The following IGFL2 variants were observed in gnomAD, a reference collection of about 807,000 sequenced individuals.
The protein encoded by IGFL2 is insulin growth factor-like family member 2.
A neutral mutation model predicts 13.9 loss-of-function variants in IGFL2; 7 were observed. The ratio of observed to expected loss-of-function variants is 0.51; its 90% CI spans 0.29 to 0.95. The LOEUF (loss-of-function observed/expected upper bound fraction) is 0.95. Among genes scored for constraint, IGFL2 ranks in the 40% least tolerant of loss-of-function variants. The probability of loss-of-function intolerance (pLI) is 0.08; values close to 1 mark genes in which losing one functional copy is unlikely to be tolerated. For synonymous variants in IGFL2, 55 were observed against 55.8 expected (o/e 0.99, Z 0.07); for missense variants, 138 against 147.8 (o/e 0.93, Z 0.34).
chr19:46,104,295 C>G, the IGFL2 span, among the ~76,000 whole-genome samples: 19 of 152,266 alleles, frequency 1.2e-4, no homozygotes, highest in Admixed American at 3.3e-4. Flanking sequence ...AAAGTACTGT[C>G]CAGTCCTTTT....
chr19:46,211,295 C>T, the IGFL2 span, among the ~76,000 whole-genome samples: 1 of 152,190 alleles, frequency 6.6e-6, no homozygotes, highest in African/African-American at 2.4e-5. Flanking sequence ...TCTGAAATCC[C>T]AACATAGTGT....
At chr19:46,182,365 T>TAAAAAAAAAAAAAAAAA in the IGFL2 span, among the ~76,000 whole-genome samples, 37 of 78,670 alleles carry the variant, frequency 4.7e-4, no homozygotes, top group African/African-American at 1.7e-3. Flanking sequence ...AGACTTTGCC[T>TAAAAAAAAAAAAAAAAA]AAAAAAAAAA....
At chr19:46,206,346 C>T in the IGFL2 span, among the ~76,000 whole-genome samples, 1 of 152,234 alleles carries the variant, frequency 6.6e-6, no homozygotes, top group African/African-American at 2.4e-5. Context: ...ATGTGCTTTT[C>T]TCCCTGGCAC....
the IGFL2 span, among the ~76,000 whole-genome samples, chr19:46,180,023 G>A: frequency 6.6e-6 from 1 of 152,114 alleles, no homozygotes; most frequent in African/African-American, 2.4e-5. Context: ...CATCTCTCCA[G>A]AAGACAAATA....
At chr19:46,208,208 T>C in the IGFL2 span, 2 of 152,296 alleles carry the variant, frequency 1.3e-5, no homozygotes, top group African/African-American at 4.8e-5. Flanking sequence ...TCACATCCAG[T>C]GCACATCTGG....
the IGFL2 span, chr19:46,200,799 G>A: frequency 6.6e-6 from 1 of 152,176 alleles, no homozygotes; most frequent in African/African-American, 2.4e-5. Flanking sequence ...GAGATTACAG[G>A]CAGGAGCCAC....
the IGFL2 span, among the ~76,000 whole-genome samples, chr19:46,079,934 C>T: frequency 2.0e-5 from 3 of 152,184 alleles, no homozygotes; most frequent in Non-Finnish European, 4.4e-5. Flanking sequence ...TCTCCTTGAG[C>T]CCTAAACACA....
chr19:46,123,331 A>G, the IGFL2 span, among the ~76,000 whole-genome samples: 8 of 151,074 alleles, frequency 5.3e-5, 1 homozygote, highest in East Asian at 3.9e-4. Flanking sequence ...CAAAAGGACT[A>G]CTTAAACTGA....
chr19:46,113,515 C>G, the IGFL2 span: 7 of 346,828 alleles, frequency 2.0e-5, no homozygotes, highest in East Asian at 5.8e-4. Flanking sequence ...CAAGATTTAT[C>G]TTTAACCTCA....
At chr19:46,181,505 A>G in the IGFL2 span, among the ~76,000 whole-genome samples, 1 of 152,214 alleles carries the variant, frequency 6.6e-6, no homozygotes, top group African/African-American at 2.4e-5. Context: ...ACCTCTGTAG[A>G]TCACATCACT....
At chr19:46,136,657 A>T in the IGFL2 span, 6 of 424,396 alleles carry the variant, frequency 1.4e-5, no homozygotes, top group South Asian at 5.4e-5. Flanking sequence ...AGATATTAAT[A>T]AAAAAATATA....
chr19:46,148,316 C>T lies in IGFL2; in HGVS notation c.19+19C>T. ...ATCTTCGGTAAGGTAACCCTTGCCC[C>T]AGGTTGAGCTAATGCCTACTGTTAT... On this transcript the variant is annotated intron_variant, in intron 1 of 3. Transcript: ENST00000377693. 6.5e-7 allele frequency: 1 copy of T among 1,548,542 alleles called. No individual in the cohort carries two copies. The highest frequency in any genetic ancestry group is 1.2e-5 in the South Asian group (1 of 84,014).
chr19:46,134,455 C>CATT, the IGFL2 span, among the ~76,000 whole-genome samples: 1 of 152,128 alleles, frequency 6.6e-6, no homozygotes, highest in African/African-American at 2.4e-5. Flanking sequence ...AAATAATATA[C>CATT]ATTATATATT....
At chr19:46,120,592 A>G in the IGFL2 span, among the ~76,000 whole-genome samples, 2 of 150,856 alleles carry the variant, frequency 1.3e-5, no homozygotes, top group Non-Finnish European at 2.9e-5. Context: ...ATTCCTCAAA[A>G]TGCCAGATAA....
At chr19:46,154,629 T>A (rs1381456176) in intron 1 of IGFL2, among the ~76,000 whole-genome samples, 1 of 151,982 alleles carries the variant, frequency 6.6e-6, no homozygotes, top group Non-Finnish European at 1.5e-5. Flanking sequence ...TATTTTTTTT[T>A]TAGTAGAGAC....
At chr19:46,168,108 G>A in the IGFL2 span, among the ~76,000 whole-genome samples, 1 of 152,150 alleles carries the variant, frequency 6.6e-6, no homozygotes, top group Non-Finnish European at 1.5e-5. Flanking sequence ...GCTAATTTTT[G>A]TATTTTTTTA....
At chr19:46,086,642 T>G in the IGFL2 span, among the ~76,000 whole-genome samples, 2 of 152,340 alleles carry the variant, frequency 1.3e-5, no homozygotes, top group East Asian at 3.9e-4. Context: ...TCCTTTTTGA[T>G]TGGGATCTGT....
chr19:46,209,869 T>TCA, the IGFL2 span: 4 of 152,214 alleles, frequency 2.6e-5, no homozygotes, highest in Non-Finnish European at 5.9e-5. Flanking sequence ...GACTGTGGAT[T>TCA]TTTTTGCTCA....
chr19:46,137,274 C>T, the IGFL2 span: 2 of 1,223,580 alleles, frequency 1.6e-6, no homozygotes, highest in Non-Finnish European at 2.4e-6. Context: ...CTCAGCATGT[C>T]AGGATGCGTA....
Sources: allele counts gnomAD v4.1 joint callset (sites outside exome capture counted in the v4.1 genomes callset), GRCh38; gene constraint gnomAD v4.1.1; transcripts MANE v1.5; gene names NCBI Gene and HGNC (gene_info 2026-07-23, HGNC 2026-07-21).